Variants in ACTR6 observed in about 807,000 individuals in gnomAD.
ACTR6 encodes the protein actin-related protein 6.
A neutral mutation model predicts 52.5 loss-of-function variants in ACTR6; 50 were observed. The observed-to-expected ratio is 0.95, with a 90% CI of 0.76 to 1.20. The LOEUF (loss-of-function observed/expected upper bound fraction) is 1.20. Ranked by LOEUF, ACTR6 falls within the 50% of genes most tolerant of loss-of-function variation. The probability of loss-of-function intolerance (pLI) is 0.00; values close to 1 mark genes in which losing one functional copy is unlikely to be tolerated. For synonymous variants in ACTR6, 135 were observed against 147.2 expected (o/e 0.92, Z 0.60); for missense variants, 344 against 472.4 (o/e 0.73, Z 2.52).
intron 10 of ACTR6, among the ~76,000 whole-genome samples, chr12:100,222,384 G>A (rs1566299188): frequency 6.7e-6 from 1 of 148,286 alleles, no homozygotes; most frequent in Non-Finnish European, 1.5e-5. Flanking sequence ...AGCCTTCCAT[G>A]TAGCTGGGAC....
intron 8 of ACTR6, among the ~76,000 whole-genome samples, chr12:100,212,757 G>C (rs1449692827): frequency 6.6e-6 from 1 of 152,052 alleles, no homozygotes; most frequent in Admixed American, 6.6e-5. Flanking sequence ...TGTAATCCCA[G>C]CACTTTGGGA....
chr12:100,205,697 G>A lies in ACTR6; in HGVS notation c.208G>A (p.Val70Ile). 1 of 1,521,754 alleles carries A rather than the reference G, an allele frequency of 6.6e-7. No individual in the cohort carries two copies. The highest frequency in any genetic ancestry group is 2.5e-5 in the East Asian group (1 of 40,104). The allele number at this position is 1,521,754 out of a possible 1,614,324, so 94.3% of individuals were successfully genotyped here. ...FQKGYLVNWD[V>I]QRQVWDYLFG... The stretch of plus-strand genomic sequence containing the variant: ...TTAGGGCTACTTGGTGAATTGGGAT[G>A]TTCAGAGACAAGTTTGGGATTACCT... Residue 70 changes from valine (V) to isoleucine (I), a missense_variant, in exon 3 of 11, where the codon GTT (valine) becomes ATT (isoleucine). Coordinates refer to ENST00000188312, the MANE Select transcript of ACTR6 (RefSeq NM_022496.5).
intron 10 of ACTR6, among the ~76,000 whole-genome samples, chr12:100,222,602 C>G (rs942308994): frequency 6.6e-6 from 1 of 152,034 alleles, no homozygotes. Flanking sequence ...CTTGTGTGAT[C>G]ATAGCTCACT....
At chr12:100,214,560 T>C (rs1398598233) in intron 8 of ACTR6, among the ~76,000 whole-genome samples, 1 of 113,872 alleles carries the variant, frequency 8.8e-6, no homozygotes, top group South Asian at 2.6e-4. Context: ...ACCCTGTCTC[T>C]ACAAAAAAAA....
intron 8 of ACTR6, among the ~76,000 whole-genome samples, chr12:100,215,273 T>C (rs752675220): frequency 2.0e-5 from 3 of 152,234 alleles, no homozygotes; most frequent in Non-Finnish European, 4.4e-5. Flanking sequence ...GAAATCTTTC[T>C]TTTTAGAAAA....
intron 4 of ACTR6, chr12:100,207,988 T>C (rs2096116396): frequency 2.3e-6 from 1 of 431,328 alleles, no homozygotes; most frequent in Non-Finnish European, 4.2e-6. Context: ...GGTGAAACCC[T>C]GTCTCTACAA....
chr12:100,218,401 T>C lies in ACTR6; in HGVS notation c.751-14T>C. 6.2e-7 allele frequency: 1 copy of C among 1,602,502 alleles called. No individual in the cohort carries two copies. Among genetic ancestry groups the C allele is most frequent in the Non-Finnish European group, 8.5e-7 (1 of 1,174,970 alleles). Reference sequence around the variant, plus strand: ...ATAATATAACTTAAACTTTTAATCTTCTTTGTCTTTAAGCCAAGGGAAGAG... The same window carrying C: ...ATAATATAACTTAAACTTTTAATCTCCTTTGTCTTTAAGCCAAGGGAAGAG... On this transcript the variant is annotated splice_polypyrimidine_tract_variant and intron_variant, in intron 8 of 10. Transcript: ENST00000188312. The surrounding 1 kb of genome is among the most constrained non-coding windows in gnomAD (Gnocchi z 4.2).
chr12:100,205,618 G>T, intron 2 of ACTR6, 58 bp from the exon 3 acceptor site: 4 of 1,043,698 alleles, frequency 3.8e-6, no homozygotes, highest in South Asian at 3.7e-5. Flanking sequence ...TTTATAATCT[G>T]ATTTTTAAAA....
chr12:100,223,766 A>G lies in ACTR6; in HGVS notation c.1062-20A>G, dbSNP rs746081462. ...TTTTCCTGTAAAATCATCTGGGTTCATTTATACCTTTATTTTCAGCCCTAT... is the reference window on the plus strand; with the variant it reads ...TTTTCCTGTAAAATCATCTGGGTTCGTTTATACCTTTATTTTCAGCCCTAT... On this transcript the variant is annotated intron_variant, in intron 10 of 10. Coordinates refer to ENST00000188312, the MANE Select transcript of ACTR6 (RefSeq NM_022496.5). 27 of 1,597,510 alleles carry G rather than the reference A, an allele frequency of 1.7e-5. No individual in the cohort carries two copies. Among genetic ancestry groups the G allele is most frequent in the African/African-American group, 2.7e-5 (2 of 73,994 alleles).
At chr12:100,219,210 T>G (rs1434821405) in intron 9 of ACTR6, among the ~76,000 whole-genome samples, 1 of 151,430 alleles carries the variant, frequency 6.6e-6, no homozygotes, top group African/African-American at 2.4e-5. Context: ...TACATAATTA[T>G]TTCACAGCTA....
At chr12:100,216,352 G>A (rs2096123877) in intron 8 of ACTR6, among the ~76,000 whole-genome samples, 1 of 152,190 alleles carries the variant, frequency 6.6e-6, no homozygotes, top group Non-Finnish European at 1.5e-5. Context: ...TAGAGACGAG[G>A]TACCACGCTC....
intron 4 of ACTR6, 139 bp downstream of exon 4, chr12:100,207,925 C>A: frequency 1.2e-6 from 1 of 859,604 alleles, no homozygotes; most frequent in Non-Finnish European, 1.8e-6. Flanking sequence ...GTTTGGGAGG[C>A]TGAGGCGAGT....
chr12:100,223,774 C>G lies in ACTR6; in HGVS notation c.1062-12C>G. 1 of 1,596,812 alleles carries G rather than the reference C, an allele frequency of 6.3e-7. No individual in the cohort carries two copies. Among genetic ancestry groups the G allele is most frequent in the Non-Finnish European group, 8.5e-7 (1 of 1,174,870 alleles). On this transcript the variant is annotated splice_polypyrimidine_tract_variant and intron_variant, in intron 10 of 10. Coordinates refer to ENST00000188312, the MANE Select transcript of ACTR6 (RefSeq NM_022496.5). ...TAAAATCATCTGGGTTCATTTATACCTTTATTTTCAGCCCTATTACTTATG... is the reference window on the plus strand; with the variant it reads ...TAAAATCATCTGGGTTCATTTATACGTTTATTTTCAGCCCTATTACTTATG...
At chr12:100,201,887 T>G (rs2153899751) in intron 1 of ACTR6, among the ~76,000 whole-genome samples, 1 of 152,028 alleles carries the variant, frequency 6.6e-6, no homozygotes, top group South Asian at 2.1e-4. Flanking sequence ...CCTCCCAAAG[T>G]GCTGGTATTA....
intron 1 of ACTR6, among the ~76,000 whole-genome samples, chr12:100,202,070 T>C (rs1341736300): frequency 2.0e-5 from 3 of 152,078 alleles, no homozygotes; most frequent in African/African-American, 7.2e-5. Context: ...TAGCTGGGAC[T>C]ACAGTTGCGC....
intron 8 of ACTR6, among the ~76,000 whole-genome samples, chr12:100,214,433 T>C (rs2096122362): frequency 6.6e-6 from 1 of 152,054 alleles, no homozygotes; most frequent in South Asian, 2.1e-4. Flanking sequence ...TCCTTTTATG[T>C]TCTTAGAAAC....
chr12:100,203,511 G>A, intron 1 of ACTR6, among the ~76,000 whole-genome samples: 1 of 151,942 alleles, frequency 6.6e-6, no homozygotes, highest in East Asian at 1.9e-4. Flanking sequence ...TACCATGTTG[G>A]CCAGGCTGGT....
intron 1 of ACTR6, 146 bp downstream of exon 1, chr12:100,201,065 G>A (rs879691234): frequency 6.0e-6 from 9 of 1,506,108 alleles, no homozygotes; most frequent in African/African-American, 4.1e-5. Flanking sequence ...AGCTGGGTGG[G>A]TGATTGTGAT....
At chr12:100,219,944 C>T (rs1327695407) in intron 9 of ACTR6, 64 bp from the exon 10 acceptor site, 55 of 1,557,318 alleles carry the variant, frequency 3.5e-5, no homozygotes, top group Non-Finnish European at 4.7e-5. Flanking sequence ...CCACATCTTT[C>T]CAGAAAAGTA....
Sources: allele counts gnomAD v4.1 joint callset (sites outside exome capture counted in the v4.1 genomes callset), GRCh38; gene constraint gnomAD v4.1.1; non-coding constraint Gnocchi (gnomAD v3.1); transcripts MANE v1.5; gene names NCBI Gene and HGNC (gene_info 2026-07-23, HGNC 2026-07-21).